The following OLFM1 variants were observed in gnomAD, a reference collection of about 807,000 sequenced individuals.
OLFM1 encodes noelin.
In OLFM1, 9 loss-of-function variants were observed where a neutral mutation model predicts 49.7. The ratio of observed to expected loss-of-function variants is 0.18; its 90% CI spans 0.11 to 0.32. The LOEUF (loss-of-function observed/expected upper bound fraction) is 0.32. Among genes scored for constraint, OLFM1 ranks in the 10% least tolerant of loss-of-function variants. OLFM1 has a pLI of 1.00. For synonymous variants in OLFM1, 240 were observed against 271.8 expected, an observed-to-expected ratio of 0.88 and a Z score of 1.15; for missense variants, 369 against 661.8, an observed-to-expected ratio of 0.56 and a Z score of 4.85.
chr9:135,093,980 C>T (rs1830749581), intron 2 of OLFM1, among the ~76,000 whole-genome samples: 1 of 152,172 alleles, frequency 6.6e-6, no homozygotes. Flanking sequence ...CTTTTAAAAG[C>T]ATTCCTTCTC....
upstream of OLFM1, among the ~76,000 whole-genome samples, chr9:135,084,238 GAAA>G (rs1169825124): frequency 1.5e-4 from 23 of 152,212 alleles, no homozygotes; most frequent in Admixed American, 1.5e-3. This position sits in a 1 kb window ranked among gnomAD's most constrained non-coding sequence, Gnocchi z 4.6. Flanking sequence ...ATACAACGTA[GAAA>G]AAGGAGAGGT....
Position 135,099,481 on chromosome 9 carries a change from T to TA in OLFM1, c.676+985dup, listed in dbSNP as rs201785935. ...CCTAAAACATCCAAAAAGAACACTT[T>TA]AAAAAAAAACCTCTAATGTTAGTCA... On this transcript the variant is annotated intron_variant, in intron 4 of 5. Coordinates refer to ENST00000371793, the MANE Select transcript of OLFM1 (RefSeq NM_001282611.2). 5.9e-3 allele frequency among the ~76,000 whole-genome samples: 898 copies of TA among 151,632 alleles called. 6 individuals carry two copies. Among genetic ancestry groups the TA allele is most frequent in the African/African-American group, 0.017 (699 of 41,344 alleles).
upstream of OLFM1, among the ~76,000 whole-genome samples, chr9:135,085,162 A>G (rs575426543): frequency 3.3e-5 from 5 of 152,288 alleles, no homozygotes; most frequent in South Asian, 2.1e-4. Context: ...CTAACCTGTC[A>G]TGACAGGGAG....
chr9:135,116,206 C>G (rs1179010397), intron 5 of OLFM1, among the ~76,000 whole-genome samples: 1 of 152,132 alleles, frequency 6.6e-6, no homozygotes, highest in Non-Finnish European at 1.5e-5. Flanking sequence ...CTCCTTATCC[C>G]AAGGCCTGTG....
At chr9:135,118,559 GA>G (rs1199419692) in intron 5 of OLFM1, among the ~76,000 whole-genome samples, 2 of 150,034 alleles carry the variant, frequency 1.3e-5, no homozygotes, top group African/African-American at 2.5e-5. Context: ...TGGATCTTTG[GA>G]AGTGCTCACT....
At chr9:135,106,633 A>G in intron 4 of OLFM1, 116 bp from the exon 5 acceptor site, 1 of 705,856 alleles carries the variant, frequency 1.4e-6, no homozygotes, top group Non-Finnish European at 2.4e-6. Flanking sequence ...CCAGACCCCG[A>G]GGGCAAGAGG....
chr9:135,101,171 C>T (rs1042999994), intron 4 of OLFM1, among the ~76,000 whole-genome samples: 3 of 152,294 alleles, frequency 2.0e-5, no homozygotes, highest in East Asian at 1.9e-4. Flanking sequence ...AAGGTGGAGC[C>T]GGCACCCGCT....
In OLFM1 at chr9:135,088,545, C is replaced by T. The variant is rs977855670; in HGVS notation, c.150+406C>T. On this transcript the variant is annotated intron_variant, in intron 1 of 5. Transcript: ENST00000371793. The surrounding 1 kb of genome is among the most constrained non-coding windows in gnomAD (Gnocchi z 4.8). ...ACACTCAGCGAGTGAGGGGTGGAGC[C>T]GCCGCTAGACCCTAGTCTGGGCTCG... Among the ~76,000 whole-genome samples the T allele has an allele frequency of 6.6e-6, 1 of 152,102 alleles. No homozygotes were observed. The highest frequency in any genetic ancestry group is 2.4e-5 in the African/African-American group (1 of 41,430).
At chr9:135,085,332 C>T (rs957841569), upstream of OLFM1, among the ~76,000 whole-genome samples, 1 of 152,232 alleles carries the variant, frequency 6.6e-6, no homozygotes, top group African/African-American at 2.4e-5. Context: ...CAACTCATGC[C>T]ACTTCTGGGG....
chr9:135,103,592 G>A (rs534866573), intron 4 of OLFM1, among the ~76,000 whole-genome samples: 26 of 152,380 alleles, frequency 1.7e-4, no homozygotes, highest in East Asian at 9.6e-4. Flanking sequence ...ATGCAGGAGG[G>A]AAGAGGGAGC....
At chr9:135,102,543 G>T (rs1830884950) in intron 4 of OLFM1, among the ~76,000 whole-genome samples, 2 of 152,212 alleles carry the variant, frequency 1.3e-5, no homozygotes, top group Admixed American at 6.5e-5. Context: ...AGAGTCTCCT[G>T]GAGGCCCGCC....
chr9:135,084,301 TATCTTTC>T (rs1830568192), upstream of OLFM1, among the ~76,000 whole-genome samples: 1 of 149,626 alleles, frequency 6.7e-6, no homozygotes, highest in African/African-American at 2.6e-5. This position sits in a 1 kb window ranked among gnomAD's most constrained non-coding sequence, Gnocchi z 4.6. Flanking sequence ...TGTGTCACTC[TATCTTTC>T]TTCTCTCTCT....
intron 4 of OLFM1, among the ~76,000 whole-genome samples, chr9:135,102,916 C>G (rs1001839663): frequency 6.6e-6 from 1 of 152,176 alleles, no homozygotes; most frequent in African/African-American, 2.4e-5. Flanking sequence ...CTCCCCGGGC[C>G]TGTTCTATGA....
chr9:135,090,160 C>T (rs776699816), intron 1 of OLFM1, 35 bp from the exon 2 acceptor site: 2 of 1,577,530 alleles, frequency 1.3e-6, no homozygotes, highest in Non-Finnish European at 1.7e-6. Flanking sequence ...CCCTTTCTCT[C>T]CTTCCCTCTC....
At chr9:135,090,144 TG>T in intron 1 of OLFM1, 50 bp from the exon 2 acceptor site, 1 of 1,531,764 alleles carries the variant, frequency 6.5e-7, no homozygotes, top group Non-Finnish European at 8.9e-7. Context: ...CACAACCTCA[TG>T]GTCTCCCTTT....
chr9:135,076,996 C>G, intron 1 of OLFM1: 1 of 1,550,630 alleles, frequency 6.4e-7, no homozygotes, highest in East Asian at 2.4e-5. Context: ...CCCGCTTACC[C>G]TCAGAGCCCT....
chr9:135,107,207 C>A (rs1250145052), intron 5 of OLFM1, among the ~76,000 whole-genome samples: 1 of 152,224 alleles, frequency 6.6e-6, no homozygotes, highest in Non-Finnish European at 1.5e-5. Context: ...AGCCGAAACC[C>A]AGCCCTGACT....
chr9:135,102,046 G>T (rs561333734), intron 4 of OLFM1, among the ~76,000 whole-genome samples: 56 of 152,318 alleles, frequency 3.7e-4, no homozygotes, highest in Non-Finnish European at 6.6e-4. Context: ...TCACTGGAAC[G>T]CGTCTTAACA....
intron 5 of OLFM1, among the ~76,000 whole-genome samples, chr9:135,110,683 G>A (rs1005076791): frequency 2.0e-5 from 3 of 152,248 alleles, no homozygotes; most frequent in South Asian, 2.1e-4. Context: ...TCCCAGGACC[G>A]AGAACCGTTG....
Sources: allele counts gnomAD v4.1 joint callset (sites outside exome capture counted in the v4.1 genomes callset), GRCh38; gene constraint gnomAD v4.1.1; non-coding constraint Gnocchi (gnomAD v3.1); transcripts MANE v1.5; gene names NCBI Gene and HGNC (gene_info 2026-07-23, HGNC 2026-07-21).